PCDHGB2: variants seen among roughly 807,000 people sequenced by gnomAD.
PCDHGB2 encodes protocadherin gamma subfamily B, 2.
PCDHGB2 carries 55 observed loss-of-function variants against 59.3 expected under a neutral mutation model. That is an observed-to-expected ratio of 0.93 (90% CI 0.75 to 1.16). PCDHGB2 has a LOEUF of 1.16. PCDHGB2 is among the 50% of genes most tolerant of loss of function. The pLI is 0.00. For synonymous variants in PCDHGB2, 516 were observed against 512.0 expected, an observed-to-expected ratio of 1.01 and a Z score of -0.11; for missense variants, 1,228 against 1,198.5, an observed-to-expected ratio of 1.02 and a Z score of -0.36.
intron 1 of PCDHGB2, chr5:141,398,802 C>A: frequency 6.2e-7 from 1 of 1,613,982 alleles, no homozygotes; most frequent in Non-Finnish European, 8.5e-7. Context: ...TAAGCGGCAC[C>A]ACTGAGCTCC....
In PCDHGB2 at chr5:141,487,259, T is replaced by A. The variant is rs2099641960; in HGVS notation, c.2422-7548T>A. 1.9e-6 allele frequency: 3 copies of A among 1,614,014 alleles called. No individual in the cohort carries two copies. The highest frequency in any genetic ancestry group is 1.3e-5 in the African/African-American group (1 of 74,926). ...TCGTCTAACCCTCTACTTGGCTGTGTCCCTAGTGGCAATTTGCTTTGTCTC... is the reference window on the plus strand; with the variant it reads ...TCGTCTAACCCTCTACTTGGCTGTGACCCTAGTGGCAATTTGCTTTGTCTC... On this transcript the variant is annotated intron_variant, in intron 1 of 3. Coordinates refer to ENST00000522605, the MANE Select transcript of PCDHGB2 (RefSeq NM_018923.3). The surrounding 1 kb of genome is among the most constrained non-coding windows in gnomAD (Gnocchi z 5.0).
chr5:141,413,431 G>C (rs963192857), intron 1 of PCDHGB2: 1 of 1,614,092 alleles, frequency 6.2e-7, no homozygotes, highest in Non-Finnish European at 8.5e-7. Flanking sequence ...CCCGCGCAGC[G>C]GCAGCTTGAT....
Position 141,491,722 on chromosome 5 carries a change from C to G in PCDHGB2, c.2422-3085C>G, listed in dbSNP as rs1276921909. ...CCAGGTGAGGGGCTCGGCGCCGCCC[C>G]GGGCGACCCCTGGGGGCGGCACTGG... On this transcript the variant is annotated intron_variant, in intron 1 of 3. Transcript: ENST00000522605. This position sits in a 1 kb window ranked among gnomAD's most constrained non-coding sequence, Gnocchi z 6.9. 2 of 1,607,004 alleles carry G rather than the reference C, an allele frequency of 1.2e-6. No homozygotes were observed. The highest frequency in any genetic ancestry group is 1.7e-5 in the Admixed American group (1 of 58,788).
chr5:141,410,645 A>G (rs755117096), intron 1 of PCDHGB2: 11 of 1,597,402 alleles, frequency 6.9e-6, no homozygotes, highest in Non-Finnish European at 9.3e-6. Flanking sequence ...TTTGTGTGTG[A>G]TTTATCTAAT....
intron 1 of PCDHGB2, chr5:141,408,920 C>T (rs772932702): frequency 1.9e-6 from 3 of 1,613,506 alleles, no homozygotes; most frequent in Admixed American, 1.7e-5. Context: ...TGATAACCCC[C>T]CGGTTTTCAG....
chr5:141,372,918 G>A (rs1350578389), intron 1 of PCDHGB2: 1 of 1,022,894 alleles, frequency 9.8e-7, no homozygotes, highest in African/African-American at 1.6e-5. Flanking sequence ...TTATTTTATT[G>A]ATTTTCTGGT....
intron 1 of PCDHGB2, among the ~76,000 whole-genome samples, chr5:141,463,318 C>A (rs2099056713): frequency 6.6e-6 from 1 of 151,878 alleles, no homozygotes; most frequent in East Asian, 1.9e-4. Flanking sequence ...ATATCTATTC[C>A]TCAACTCAGC....
intron 2 of PCDHGB2, among the ~76,000 whole-genome samples, chr5:141,498,436 A>G (rs566463876): frequency 6.6e-6 from 1 of 152,268 alleles, no homozygotes; most frequent in East Asian, 1.9e-4. Flanking sequence ...GGGGATGAAG[A>G]GGAGAGGTTC....
At chr5:141,510,682 G>C (rs1014890367) in intron 3 of PCDHGB2, among the ~76,000 whole-genome samples, 2 of 152,154 alleles carry the variant, frequency 1.3e-5, no homozygotes, top group Non-Finnish European at 2.9e-5. Context: ...GTGGCATAAG[G>C]AGGTTAGGTA....
At chr5:141,389,463 G>A (rs1201903320) in intron 1 of PCDHGB2, 7 of 1,613,192 alleles carry the variant, frequency 4.3e-6, no homozygotes, top group South Asian at 1.1e-5. Context: ...GCGCGCCTTC[G>A]AACTCACACT....
chr5:141,381,417 G>A (rs954058342), intron 1 of PCDHGB2, among the ~76,000 whole-genome samples: 1 of 152,214 alleles, frequency 6.6e-6, no homozygotes, highest in Admixed American at 6.5e-5. Context: ...GTGGAGAGAC[G>A]AGTACCTCTA....
At chr5:141,445,612 CT>C (rs996122021) in intron 1 of PCDHGB2, among the ~76,000 whole-genome samples, 1 of 151,994 alleles carries the variant, frequency 6.6e-6, no homozygotes, top group Non-Finnish European at 1.5e-5. Flanking sequence ...GGAAGGCTTT[CT>C]TTTTTTCGGA....
Position 141,362,249 on chromosome 5 carries a change from T to A in PCDHGB2, c.2114T>A (p.Leu705His), listed in dbSNP as rs1275406008. The A allele has an allele frequency of 3.1e-6, 5 of 1,614,024 alleles. No homozygotes were observed. Among genetic ancestry groups the A allele is most frequent in the Non-Finnish European group, 4.2e-6 (5 of 1,179,894 alleles). The change falls in exon 1 of 4, where the codon CTC (leucine) becomes CAC (histidine). Residue 705 changes from leucine to histidine, a missense_variant. Around this residue, in one of 3 missense-constraint regions of PCDHGB2, gnomAD observed 433 missense variants for 441.8 expected, o/e 0.98. Coordinates refer to ENST00000522605, the MANE Select transcript of PCDHGB2 (RefSeq NM_018923.3). Reference protein sequence around the residue: ...ALALISVLFFLAVILAISLRL... With the variant: ...ALALISVLFFHAVILAISLRL... ...GCCTTGATCTCAGTGCTCTTCTTCC[T>A]CGCGGTGATTCTGGCAATCTCCCTG...
intron 1 of PCDHGB2, chr5:141,399,144 T>G: frequency 6.2e-7 from 1 of 1,613,728 alleles, no homozygotes. Flanking sequence ...AAAATGACAA[T>G]AGCCCAGAAG....
intron 1 of PCDHGB2, among the ~76,000 whole-genome samples, chr5:141,429,564 C>A (rs995466828): frequency 2.0e-5 from 3 of 152,092 alleles, no homozygotes; most frequent in African/African-American, 7.2e-5. Flanking sequence ...TGATAATATT[C>A]AGTTACATTT....
chr5:141,387,669 TCTC>T lies in PCDHGB2; in HGVS notation c.2421+25117_2421+25119del, dbSNP rs61279892. 2,271 of 693,780 alleles carry T rather than the reference TCTC, an allele frequency of 3.3e-3. 45 individuals are homozygous for T. In the African/African-American group the frequency reaches 0.034, roughly 10 times the overall value. 43.0% of individuals were successfully genotyped at this position (693,780 alleles called of 1,614,324 possible). A position where few individuals can be genotyped will look rare whatever the true frequency, so the allele number is the denominator to read the frequency against. ...AAAGTGGAGAGCTTGGCGCTCCAGA[TCTC>T]CTCGCGCAGCCGCAGCGCGCTTTCC... On this transcript the variant is annotated intron_variant, in intron 1 of 3. Coordinates refer to ENST00000522605, the MANE Select transcript of PCDHGB2 (RefSeq NM_018923.3).
At chr5:141,376,367 G>A in intron 1 of PCDHGB2, 1 of 1,614,224 alleles carries the variant, frequency 6.2e-7, no homozygotes, top group Non-Finnish European at 8.5e-7. Context: ...ACTCACTGCA[G>A]ACTCGCGTAA....
At chr5:141,480,298 C>G (rs1238380283) in intron 1 of PCDHGB2, among the ~76,000 whole-genome samples, 1 of 132,676 alleles carries the variant, frequency 7.5e-6, no homozygotes, top group Non-Finnish European at 1.6e-5. Flanking sequence ...ACCTGTGGTA[C>G]CAGCTACTTG....
chr5:141,366,685 T>C (rs1764741162), intron 1 of PCDHGB2: 3 of 1,614,116 alleles, frequency 1.9e-6, no homozygotes, highest in African/African-American at 2.7e-5. Context: ...AAGAGAGCTG[T>C]GAGAAAAGCG....
Sources: gnomAD v4.1 joint callset for allele counts (sites outside exome capture counted in the v4.1 genomes callset) on GRCh38, gnomAD v4.1.1 for gene constraint, gnomAD v4.1.1 regional missense constraint, Gnocchi (gnomAD v3.1) non-coding constraint, MANE v1.5 for transcripts, NCBI Gene and HGNC (gene_info 2026-07-23, HGNC 2026-07-21) for gene names.